The following USP9X variants were observed in gnomAD, a reference collection of about 807,000 sequenced individuals.
USP9X encodes the protein ubiquitin carboxyl-terminal hydrolase 9X.
In USP9X, 7 loss-of-function variants were observed where a neutral mutation model predicts 190.3. The ratio of observed to expected loss-of-function variants is 0.04; its 90% CI spans 0.02 to 0.07. USP9X has a LOEUF of 0.07. USP9X is among the 10% of genes least tolerant of loss of function. The pLI is 1.00. For synonymous variants in USP9X, 645 were observed against 659.5 expected, an observed-to-expected ratio of 0.98 and a Z score of 0.34; for missense variants, 1,010 against 1,916.9, an observed-to-expected ratio of 0.53 and a Z score of 8.83.
chrX:41,210,300 CTA>C (rs1039592798), intron 32 of USP9X, among the ~76,000 whole-genome samples: 3 of 111,955 alleles, frequency 2.7e-5, no homozygotes, highest in African/African-American at 9.7e-5. Context: ...ACTAGTTTTA[CTA>C]TGAGGCTCAC....
At chrX:41,164,951 A>G (rs2147111355) in intron 15 of USP9X, among the ~76,000 whole-genome samples, 1 of 111,895 alleles carries the variant, frequency 8.9e-6, no homozygotes, top group African/African-American at 3.2e-5. Context: ...CAACTGGTGC[A>G]GCTCTACTTT....
chrX:41,119,132 G>T, intron 1 of USP9X, among the ~76,000 whole-genome samples: 1 of 111,770 alleles, frequency 8.9e-6, no homozygotes, highest in East Asian at 2.8e-4. Context: ...CCATCCCTAC[G>T]TCTCGATTAA....
At chrX:41,094,184 C>CTTTTCT (rs2061973150) in intron 1 of USP9X, among the ~76,000 whole-genome samples, 1 of 100,091 alleles carries the variant, frequency 1.0e-5, no homozygotes, top group Non-Finnish European at 2.0e-5. Flanking sequence ...TTTCTTTTTT[C>CTTTTCT]TTTTTTTTTG....
At chrX:41,191,329 CAAAAAAA>C (rs60716097) in intron 26 of USP9X, among the ~76,000 whole-genome samples, 1 of 65,679 alleles carries the variant, frequency 1.5e-5, no homozygotes, top group Non-Finnish European at 2.9e-5. Context: ...AACTCCATGT[CAAAAAAA>C]AAAAAAAAAA....
At chrX:41,186,767 TTC>T (rs2062880329) in intron 24 of USP9X, 125 bp downstream of exon 24, 7 of 781,799 alleles carry the variant, frequency 9.0e-6, no homozygotes, top group Admixed American at 6.2e-5. Context: ...TATTAGTACT[TTC>T]TGTTTTTAAT....
intron 4 of USP9X, 58 bp from the exon 5 acceptor site, chrX:41,134,667 A>G (rs938866780): frequency 9.9e-6 from 10 of 1,013,131 alleles, no homozygotes; most frequent in African/African-American, 9.3e-5. Context: ...ATATTGGACA[A>G]TGTAAAAACA....
At chrX:41,205,605 A>G in intron 32 of USP9X, 112 bp downstream of exon 32, 1 of 739,052 alleles carries the variant, frequency 1.4e-6, no homozygotes, top group South Asian at 4.4e-5. Context: ...AAGCACTGGT[A>G]ATATTCAAAC....
intron 41 of USP9X, among the ~76,000 whole-genome samples, chrX:41,227,548 A>G (rs2063324501): frequency 8.9e-6 from 1 of 112,101 alleles, no homozygotes; most frequent in African/African-American, 3.2e-5. Context: ...TAAAATACAT[A>G]GTGTATATTA....
intron 24 of USP9X, among the ~76,000 whole-genome samples, chrX:41,186,944 A>G (rs779000189): frequency 9.2e-6 from 1 of 108,771 alleles, no homozygotes; most frequent in Non-Finnish European, 1.9e-5. Flanking sequence ...ATTCTGCCTC[A>G]GCCTCCACAG....
chrX:41,093,804 TATG>T (rs2061970062), intron 1 of USP9X, among the ~76,000 whole-genome samples: 1 of 112,174 alleles, frequency 8.9e-6, no homozygotes, highest in Admixed American at 9.5e-5. Flanking sequence ...GAGGCAAATG[TATG>T]ATGAAGTTTA....
In USP9X at chrX:41,156,314, C is replaced by T. The variant is rs1306609241; in HGVS notation, c.1897+3233C>T. 2.7e-5 allele frequency among the ~76,000 whole-genome samples: 3 copies of T among 111,835 alleles called. No individual in the cohort carries two copies. In the Admixed American group the frequency reaches 2.8e-4, roughly 11 times the overall value. On this transcript the variant is annotated intron_variant, in intron 14 of 44. Transcript: ENST00000378308. Reference sequence around the variant, plus strand: ...GAAACTCTACTCCAGGCAGGTGTGACTAAGAAGCAGGGGCTCCTTCCCTGA... The same window carrying T: ...GAAACTCTACTCCAGGCAGGTGTGATTAAGAAGCAGGGGCTCCTTCCCTGA...
In USP9X at chrX:41,228,841, G is replaced by C. The variant is rs1164355026; in HGVS notation, c.7062-412G>C. ...GTTAAAAGTTTTAATAATAAGGCCA[G>C]GCGCAGTGGCTCATGCCTGTAATCC... is the stretch of plus-strand genomic sequence containing the variant. On this transcript the variant is annotated intron_variant, in intron 41 of 44. Coordinates refer to ENST00000378308, the MANE Select transcript of USP9X (RefSeq NM_001039591.3). The C allele has an allele frequency of 5.2e-5, 6 of 114,350 alleles. No homozygotes were observed. In the Admixed American group the frequency reaches 5.5e-4, roughly 11 times the overall value. The allele number at this position is 114,350 out of a possible 1,213,427, so 9.4% of individuals were successfully genotyped here.
At chrX:41,171,315 A>G (rs1437254475) in intron 20 of USP9X, among the ~76,000 whole-genome samples, 1 of 111,910 alleles carries the variant, frequency 8.9e-6, no homozygotes, top group Non-Finnish European at 1.9e-5. Flanking sequence ...TAGCCTGGTC[A>G]ACAGAGTGAG....
intron 4 of USP9X, among the ~76,000 whole-genome samples, chrX:41,133,066 A>C (rs141841359): frequency 0.015 from 1,633 of 112,054 alleles, 24 homozygotes; most frequent in African/African-American, 0.048. Context: ...TATAACTAAC[A>C]GTAGGCACTA....
chrX:41,178,546 C>T (rs975761751), intron 21 of USP9X, among the ~76,000 whole-genome samples: 4 of 111,755 alleles, frequency 3.6e-5, no homozygotes, highest in Non-Finnish European at 7.5e-5. Context: ...AATATCTATT[C>T]AAGTCTTTTG....
At chrX:41,132,642 G>A (rs760897837) in intron 4 of USP9X, among the ~76,000 whole-genome samples, 1 of 108,529 alleles carries the variant, frequency 9.2e-6, no homozygotes, top group East Asian at 2.8e-4. Context: ...TTTTTGTAGA[G>A]ACAGACTGGT....
intron 44 of USP9X, 88 bp from the exon 45 acceptor site, chrX:41,232,299 A>G: frequency 2.0e-6 from 2 of 1,000,912 alleles, no homozygotes; most frequent in Non-Finnish European, 1.3e-6. Flanking sequence ...GAATAAGAGT[A>G]TACATTTCCA....
chrX:41,177,308 T>C (rs2062783929), intron 21 of USP9X, among the ~76,000 whole-genome samples: 1 of 112,642 alleles, frequency 8.9e-6, no homozygotes, highest in South Asian at 3.6e-4. Flanking sequence ...AATTATTCGG[T>C]ATCTCTTTCA....
intron 1 of USP9X, among the ~76,000 whole-genome samples, chrX:41,091,165 T>C (rs1051428473): frequency 5.7e-5 from 6 of 105,751 alleles, no homozygotes; most frequent in Non-Finnish European, 1.2e-4. Flanking sequence ...TAAGTTGTTA[T>C]TTAAAAAAAC....
Sources: allele counts gnomAD v4.1 joint callset (sites outside exome capture counted in the v4.1 genomes callset), GRCh38; gene constraint gnomAD v4.1.1; transcripts MANE v1.5; gene names NCBI Gene and HGNC (gene_info 2026-07-23, HGNC 2026-07-21).